PDXDC1: variants seen among roughly 807,000 people sequenced by gnomAD.
The protein encoded by PDXDC1 is pyridoxal dependent decarboxylase domain containing 1, also known as pyridoxal-dependent decarboxylase domain-containing protein 1.
PDXDC1 carries 42 observed loss-of-function variants against 100.1 expected under a neutral mutation model. The ratio of observed to expected loss-of-function variants is 0.42; its 90% CI spans 0.33 to 0.54. PDXDC1 has a LOEUF of 0.54. Among genes scored for constraint, PDXDC1 ranks in the 20% least tolerant of loss-of-function variants. PDXDC1 has a pLI of 0.10. For synonymous variants in PDXDC1, 260 were observed against 371.7 expected, an observed-to-expected ratio of 0.70 and a Z score of 3.46; for missense variants, 636 against 979.2, an observed-to-expected ratio of 0.65 and a Z score of 4.68.
In PDXDC1 at chr16:15,049,607, G is replaced by A. The variant is rs867079591; in HGVS notation, c.1399+19551G>A. On this transcript the variant is annotated intron_variant, in intron 16 of 16. Transcript: ENST00000535621. ...CCATGCCCAGCTTTTCGTATTTTTA[G>A]TAGAAACTGGGTTTCGCCATGTTGG... Among the ~76,000 whole-genome samples, 4 of 151,780 alleles carry A rather than the reference G, an allele frequency of 2.6e-5. No individual in the cohort carries two copies. In the South Asian group the frequency reaches 6.2e-4, roughly 24 times the overall value.
At chr16:14,977,269 C>CTTTTTTTTTTTTT (rs5816116) in intron 1 of PDXDC1, among the ~76,000 whole-genome samples, 1 of 95,042 alleles carries the variant, frequency 1.1e-5, no homozygotes, top group Non-Finnish European at 1.9e-5. Context: ...ATGGGACTTA[C>CTTTTTTTTTTTTT]TTTTTTTTTT....
At chr16:15,135,061 T>A in intron 16 of PDXDC1, 1 of 566,126 alleles carries the variant, frequency 1.8e-6, no homozygotes, top group Non-Finnish European at 3.2e-6. Context: ...GTGTAGCTTT[T>A]GTCACTAGAG....
intron 16 of PDXDC1, among the ~76,000 whole-genome samples, chr16:15,093,247 G>A (rs1422496731): frequency 7.9e-5 from 12 of 152,242 alleles, no homozygotes; most frequent in African/African-American, 2.9e-4. Flanking sequence ...CAGATGATCC[G>A]CCCGCCTCGG....
chr16:15,072,887 T>C, intron 16 of PDXDC1: 2 of 1,572,310 alleles, frequency 1.3e-6, no homozygotes, highest in African/African-American at 1.4e-5. Context: ...CCCCAGTTTT[T>C]AGGGAAAATT....
At chr16:15,023,488 T>C (rs1181487746) in intron 13 of PDXDC1, among the ~76,000 whole-genome samples, 2 of 152,276 alleles carry the variant, frequency 1.3e-5, no homozygotes, top group African/African-American at 2.4e-5. Context: ...TTTTAGAACA[T>C]GGTTTGGTTT....
At chr16:15,033,115 T>A in intron 18 of PDXDC1, 136 bp downstream of exon 18, 1 of 961,228 alleles carries the variant, frequency 1.0e-6, no homozygotes, top group South Asian at 1.5e-5. Flanking sequence ...TTCTGAGACC[T>A]CCCTCCCCTT....
rs1362626708 is a variant in PDXDC1 at position 14,996,325 on chromosome 16, A to G, written c.22-1428A>G. 1.6e-5 allele frequency: 7 copies of G among 439,194 alleles called. No homozygotes were observed. The Admixed American group carries it at 1.6e-4, about 10-fold the overall frequency. The allele number at this position is 439,194 out of a possible 1,614,324, so 27.2% of individuals were successfully genotyped here. ...CATGCTGTAACATATTGCTAGATAC[A>G]GTGAGCAATAGGAAAAGGTAAACAC... On this transcript the variant is annotated intron_variant, in intron 1 of 22. Transcript: ENST00000396410.
At chr16:15,026,196 A>G (rs1473266546) in intron 13 of PDXDC1, 4 of 172,246 alleles carry the variant, frequency 2.3e-5, no homozygotes, top group African/African-American at 9.5e-5. Context: ...TGAGGCCAAG[A>G]GTTCAAGGCC....
Position 15,017,423 on chromosome 16 carries a change from G to T in PDXDC1, c.963+1G>T. On this transcript the variant is annotated splice_donor_variant, in intron 11 of 22. Transcript: ENST00000396410. LOFTEE classifies it high-confidence loss of function. ...GTATAAACACGATGACCCTGCCTTG[G>T]TAAGTTTCCACTCACTGGGGAGGGA... 6.2e-7 allele frequency: 1 copy of T among 1,614,060 alleles called. No homozygotes were observed. Among genetic ancestry groups the T allele is most frequent in the Non-Finnish European group, 8.5e-7 (1 of 1,179,912 alleles).
intron 1 of PDXDC1, 141 bp downstream of exon 1, chr16:14,975,361 G>A (rs1446449377): frequency 2.8e-5 from 37 of 1,325,426 alleles, no homozygotes; most frequent in Non-Finnish European, 3.4e-5. Flanking sequence ...AGGAGGCCTC[G>A]CCGGGAGGGC....
At chr16:15,141,345 C>T (rs1197211764), downstream of PDXDC1, among the ~76,000 whole-genome samples, 1 of 152,252 alleles carries the variant, frequency 6.6e-6, no homozygotes, top group Non-Finnish European at 1.5e-5. Flanking sequence ...GCAGCCGAGG[C>T]CTTCTCCGTG....
At chr16:15,001,165 G>A (rs1309071598) in intron 3 of PDXDC1, among the ~76,000 whole-genome samples, 2 of 152,172 alleles carry the variant, frequency 1.3e-5, no homozygotes, top group African/African-American at 4.8e-5. Context: ...GACCAGGCTG[G>A]GCAACATGGC....
intron 16 of PDXDC1, among the ~76,000 whole-genome samples, chr16:15,122,188 G>C (rs971206125): frequency 4.6e-5 from 7 of 151,890 alleles, no homozygotes; most frequent in Non-Finnish European, 1.0e-4. Flanking sequence ...AAACAAAAAA[G>C]TCATCAAACC....
At chr16:15,068,697 T>C (rs2045086371) in intron 16 of PDXDC1, among the ~76,000 whole-genome samples, 1 of 152,266 alleles carries the variant, frequency 6.6e-6, no homozygotes, top group South Asian at 2.1e-4. Flanking sequence ...AGCTGAGTGC[T>C]GTTTTCAGGT....
At chr16:15,109,049 C>T (rs1393408369) in intron 16 of PDXDC1, 2 of 123,038 alleles carry the variant, frequency 1.6e-5, no homozygotes, top group Admixed American at 9.0e-5. Flanking sequence ...GACCCCTGAC[C>T]ATCCCCCAGA....
chr16:15,125,818 A>G (rs751333780), intron 16 of PDXDC1: 10 of 1,095,552 alleles, frequency 9.1e-6, no homozygotes, highest in East Asian at 2.4e-5. Context: ...CTGCAGGACG[A>G]CAGCAGTGGT....
chr16:15,151,424 C>CAA, the PDXDC1 span, among the ~76,000 whole-genome samples: 204 of 14,428 alleles, frequency 0.014, 24 homozygotes, highest in Non-Finnish European at 0.02. Context: ...GACTCCGTCT[C>CAA]AAAAAAAAAA....
chr16:15,146,923 T>G, the PDXDC1 span, among the ~76,000 whole-genome samples: 1 of 152,042 alleles, frequency 6.6e-6, no homozygotes, highest in Non-Finnish European at 1.5e-5. Flanking sequence ...AAACTGAGGC[T>G]GAGAGACTGG....
At chr16:15,039,080 G>C (rs186155159), downstream of PDXDC1, among the ~76,000 whole-genome samples, 21 of 152,238 alleles carry the variant, frequency 1.4e-4, no homozygotes, top group East Asian at 3.9e-3. Flanking sequence ...CCAAACAACT[G>C]ATCACCTTGC....
Sources: allele counts gnomAD v4.1 joint callset (sites outside exome capture counted in the v4.1 genomes callset), GRCh38; gene constraint gnomAD v4.1.1; transcripts MANE v1.5; gene names NCBI Gene and HGNC (gene_info 2026-07-23, HGNC 2026-07-21).